The following ADAMTSL2 variants were observed in gnomAD, a reference collection of about 807,000 sequenced individuals.
ADAMTSL2 encodes the protein ADAMTS-like protein 2.
A neutral mutation model predicts 117.0 loss-of-function variants in ADAMTSL2; 55 were observed. The ratio of observed to expected loss-of-function variants is 0.47; its 90% CI spans 0.38 to 0.59. ADAMTSL2 has a LOEUF of 0.59. ADAMTSL2 is among the 20% of genes least tolerant of loss of function. The pLI, the probability that ADAMTSL2 is intolerant of heterozygous loss-of-function variation, is 0.00. For missense variants in ADAMTSL2, 1,182 were observed against 1,354.5 expected, an observed-to-expected ratio of 0.87 and a Z score of 2.00; for synonymous variants, 572 against 566.4, an observed-to-expected ratio of 1.01 and a Z score of -0.14.
intron 3 of ADAMTSL2, among the ~76,000 whole-genome samples, chr9:133,537,976 T>C (rs1157119659): frequency 1.3e-5 from 2 of 152,194 alleles, no homozygotes; most frequent in Admixed American, 1.3e-4. Flanking sequence ...TGTATGACCT[T>C]GGGCAAGTCA....
At position 133,567,067 on chromosome 9, in the gene ADAMTSL2, C is replaced by T. The variant is rs1354600645; in HGVS notation, c.1874+5C>T. 3 of 1,605,266 alleles carry T rather than the reference C, an allele frequency of 1.9e-6. No homozygotes were observed. Among genetic ancestry groups the T allele is most frequent in the African/African-American group, 1.3e-5 (1 of 74,924 alleles). ...TGGGAGGGAGTGCCAGCCCAGGTAC[C>T]TGCCACCAGGGGCCCTGGGCAGGGG... On this transcript the variant is annotated splice_donor_5th_base_variant and intron_variant, in intron 13 of 18. Transcript: ENST00000651351.
rs1184553878 is a variant in ADAMTSL2 at position 133,570,422 on chromosome 9, A to G, written c.2507A>G (p.Glu836Gly). 2 of 1,602,424 alleles carry G rather than the reference A, an allele frequency of 1.2e-6. No individual in the cohort carries two copies. Among genetic ancestry groups the G allele is most frequent in the African/African-American group, 2.7e-5 (2 of 74,588 alleles). ...AAGCCGCAGACGCGCAGTGGCCCCGAGTGCGGGCTCGCCAAGAAGCCTCCC... is the reference window on the plus strand; with the variant it reads ...AAGCCGCAGACGCGCAGTGGCCCCGGGTGCGGGCTCGCCAAGAAGCCTCCC... ...NGKPQTRSGPECGLAKKPPEE... is the reference protein window; with the variant it reads ...NGKPQTRSGPGCGLAKKPPEE... The change falls in exon 17 of 19, where the codon GAG becomes GGG. Residue 836 changes from glutamate (E) to glycine (G), a missense_variant. Glu to Gly is a moderately conservative substitution (Grantham distance 98, BLOSUM62 -2). Transcript: ENST00000651351.
chr9:133,548,439 C>T (rs1830404149), intron 9 of ADAMTSL2, among the ~76,000 whole-genome samples: 1 of 152,180 alleles, frequency 6.6e-6, no homozygotes, highest in South Asian at 2.1e-4. Flanking sequence ...GCTTTGCCTC[C>T]TGGCTGCAGG....
chr9:133,569,293 C>A, intron 15 of ADAMTSL2, 115 bp from the exon 16 acceptor site: 2 of 1,029,046 alleles, frequency 1.9e-6, no homozygotes, highest in Admixed American at 2.1e-5. Flanking sequence ...GTTACCATGG[C>A]AACCGCTTCG....
rs1371455369 is a variant in ADAMTSL2 at position 133,549,253 on chromosome 9, C to G, written c.939+2040C>G. Among the ~76,000 whole-genome samples the G allele has an allele frequency of 5.6e-4, 3 of 5,364 alleles. 1 individual carries two copies. In the Non-Finnish European group the frequency reaches 6.1e-3, roughly 11 times the overall value. 3.5% of individuals were successfully genotyped at this position (5,364 alleles called of 152,430 possible). ...TCTCCTGACCTCGTGATCCGCCCGC[C>G]TCGGCCTCCCAAAGTGCTGGGATTA... On this transcript the variant is annotated intron_variant, in intron 9 of 18. Transcript: ENST00000651351.
intron 15 of ADAMTSL2, 39 bp downstream of exon 15, chr9:133,568,797 G>T (rs1831037712): frequency 6.2e-7 from 1 of 1,612,318 alleles, no homozygotes; most frequent in African/African-American, 1.3e-5. Flanking sequence ...CGTGCGGCTG[G>T]TGAGGGGACC....
Position 133,555,650 on chromosome 9 carries a change from G to T in ADAMTSL2, c.1369G>T (p.Ala457Ser). 6.2e-7 allele frequency: 1 copy of T among 1,613,704 alleles called. No individual in the cohort carries two copies. The highest frequency in any genetic ancestry group is 1.1e-5 in the South Asian group (1 of 91,084). Residue 457 changes from alanine (A) to serine (S), a missense_variant, in exon 11 of 19, where the codon GCC becomes TCC. Coordinates refer to ENST00000651351, the MANE Select transcript of ADAMTSL2 (RefSeq NM_014694.4). ...CTCCCAGGAGTTCTTCTCGGCTAAC[G>T]CCATCTCTGACCAGCTGCTGGGCGC... ...FASQEFFSAN[A>S]ISDQLLGAGS... is the part of the protein sequence containing the mutation.
At chr9:133,570,225 C>A in intron 16 of ADAMTSL2, 106 bp from the exon 17 acceptor site, 1 of 1,277,764 alleles carries the variant, frequency 7.8e-7, no homozygotes, top group Non-Finnish European at 1.1e-6. Context: ...AGCATTCTCA[C>A]CCAATTGCTA....
intron 4 of ADAMTSL2, among the ~76,000 whole-genome samples, chr9:133,539,242 AGGTTTGAGCTCTGGCCCCG>A (rs1830133833): frequency 6.6e-6 from 1 of 152,164 alleles, no homozygotes; most frequent in African/African-American, 2.4e-5. Flanking sequence ...AGAGGGACCC[AGGTTTGAGCTCTGGCCCCG>A]GCACGACTAA....
At chr9:133,548,622 G>C (rs929615375) in intron 9 of ADAMTSL2, among the ~76,000 whole-genome samples, 1 of 152,040 alleles carries the variant, frequency 6.6e-6, no homozygotes, top group Non-Finnish European at 1.5e-5. Context: ...AACGGGCTTC[G>C]GCCAGCCCCC....
chr9:133,570,807 C>A (rs1410549983), intron 17 of ADAMTSL2, among the ~76,000 whole-genome samples: 1 of 152,200 alleles, frequency 6.6e-6, no homozygotes, highest in African/African-American at 2.4e-5. Flanking sequence ...TGTTTGGCAG[C>A]CCATGTGCCG....
At chr9:133,534,555 C>A, upstream of ADAMTSL2, 1 of 939,414 alleles carries the variant, frequency 1.1e-6, no homozygotes, top group Non-Finnish European at 1.4e-6. Context: ...GGCAGCTGGG[C>A]CGGCCTGGCC....
rs1180540013 is a variant in ADAMTSL2 at position 133,548,992 on chromosome 9, CTTTTTTTTTTTTTT to C, written c.939+1793_939+1806del. ...TACAACTGACACTCACAGTTTCCTT[CTTTTTTTTTTTTTT>C]TTTTTTTTTTTTTGAGACGGAGTCT... On this transcript the variant is annotated intron_variant, in intron 9 of 18. Coordinates refer to ENST00000651351, the MANE Select transcript of ADAMTSL2 (RefSeq NM_014694.4). 1.3e-4 allele frequency among the ~76,000 whole-genome samples: 4 copies of C among 31,022 alleles called. 1 individual carries two copies. The highest frequency in any genetic ancestry group is 1.0e-3 in the East Asian group (3 of 2,988). 20.4% of individuals were successfully genotyped at this position (31,022 alleles called of 152,430 possible). A position where few individuals can be genotyped will look rare whatever the true frequency, so the allele number is the denominator to read the frequency against.
At chr9:133,538,252 C>T (rs190066215) in intron 3 of ADAMTSL2, 97 bp from the exon 4 acceptor site, 38 of 1,430,242 alleles carry the variant, frequency 2.7e-5, no homozygotes, top group African/African-American at 1.8e-4. Context: ...TCACGGGTAT[C>T]GGGAGATTCT....
At position 133,539,871 on chromosome 9, in the gene ADAMTSL2, C is replaced by T. The variant is rs1001640157; in HGVS notation, c.410C>T (p.Pro137Leu). The T allele has an allele frequency of 1.1e-5, 17 of 1,550,784 alleles. No individual in the cohort carries two copies. Among genetic ancestry groups the T allele is most frequent in the Admixed American group, 7.8e-5 (4 of 50,986 alleles). The stretch of plus-strand genomic sequence containing the variant: ...ACGCACCAGTGGAAGCCTCTGTACC[C>T]GGGTACCTGCCGCCCTGGGGACCCA... ...GRTHQWKPLY[P>L]DDYVHISSKP... is the part of the protein sequence containing the mutation. Residue 137 changes from proline (P) to leucine (L), a missense_variant and splice_region_variant, in exon 5 of 19, where the codon CCG (proline) becomes CTG (leucine). Transcript: ENST00000651351.
chr9:133,573,374 C>G (rs1831155259), intron 17 of ADAMTSL2, among the ~76,000 whole-genome samples: 1 of 152,204 alleles, frequency 6.6e-6, no homozygotes, highest in African/African-American at 2.4e-5. Flanking sequence ...GATCGGCCCA[C>G]AACAAACAGT....
In ADAMTSL2 at chr9:133,547,056, G is replaced by C; in HGVS notation, c.782G>C (p.Gly261Ala). 1 of 1,613,836 alleles carries C rather than the reference G, an allele frequency of 6.2e-7. No homozygotes were observed. Among genetic ancestry groups the C allele is most frequent in the Non-Finnish European group, 8.5e-7 (1 of 1,179,800 alleles). ...CTTCCAGCTCTTGCAGACGAAGCTG[G>C]CTACTACTTCTTCAACGGCAACTAC... ...ADVLALADEA[G>A]YYFFNGNYKV... Residue 261 changes from glycine to alanine, a missense_variant, in exon 9 of 19, where the codon GGC becomes GCC. This residue lies in a region of ADAMTSL2 where 372 missense variants were observed against 463.4 expected (regional missense o/e 0.80). Coordinates refer to ENST00000651351, the MANE Select transcript of ADAMTSL2 (RefSeq NM_014694.4).
At chr9:133,571,716 C>T (rs893782661) in intron 17 of ADAMTSL2, among the ~76,000 whole-genome samples, 11 of 152,276 alleles carry the variant, frequency 7.2e-5, no homozygotes, top group Middle Eastern at 3.4e-3. Flanking sequence ...CAGACCCAGC[C>T]GCCTCACACC....
chr9:133,564,607 G>A (rs867655760), intron 12 of ADAMTSL2, among the ~76,000 whole-genome samples: 2,924 of 20,228 alleles, frequency 0.14, 166 homozygotes, highest in Non-Finnish European at 0.2. Flanking sequence ...GGAGAGAGAG[G>A]GAGAGAGAGA....
Sources: allele counts gnomAD v4.1 joint callset (sites outside exome capture counted in the v4.1 genomes callset), GRCh38; gene constraint gnomAD v4.1.1; regional missense constraint gnomAD v4.1.1; transcripts MANE v1.5; gene names NCBI Gene and HGNC (gene_info 2026-07-23, HGNC 2026-07-21).